Variants in AGBL4 observed in about 807,000 individuals in gnomAD.
AGBL4 encodes AGBL carboxypeptidase 4.
A neutral mutation model predicts 66.4 loss-of-function variants in AGBL4; 58 were observed. That is an observed-to-expected ratio of 0.87 (90% CI 0.71 to 1.09). The LOEUF (loss-of-function observed/expected upper bound fraction) is 1.09. Ranked by LOEUF, AGBL4 falls within the 50% of genes least tolerant of loss-of-function variation. The pLI, the probability that AGBL4 is intolerant of heterozygous loss-of-function variation, is 0.00. For missense variants in AGBL4, 579 were observed against 631.0 expected (o/e 0.92, Z 0.88); for synonymous variants, 234 against 222.9 (o/e 1.05, Z -0.44).
Position 49,874,982 on chromosome 1 carries a change from C to A in AGBL4, c.35-23464G>T, listed in dbSNP as rs373746534. On this transcript the variant is annotated intron_variant, in intron 1 of 13. Transcript: ENST00000371839. ...CAATGCTATCCCTCCCCCCTCCCCC[C>A]ACCCCACAACAGTCCCCAGAGTGTG... 2.5e-4 allele frequency among the ~76,000 whole-genome samples: 26 copies of A among 104,616 alleles called. No homozygotes were observed. In the South Asian group the frequency reaches 9.0e-3, roughly 36 times the overall value. 68.6% of individuals were successfully genotyped at this position (104,616 alleles called of 152,430 possible).
intron 6 of AGBL4, among the ~76,000 whole-genome samples, chr1:48,687,883 C>T (rs1479548072): frequency 1.3e-5 from 2 of 152,222 alleles, no homozygotes; most frequent in Non-Finnish European, 2.9e-5. Context: ...CATCAGCTTG[C>T]AGAGAGCCGT....
intron 5 of AGBL4, among the ~76,000 whole-genome samples, chr1:48,890,839 A>G (rs865876921): frequency 1.3e-5 from 2 of 152,224 alleles, no homozygotes; most frequent in Non-Finnish European, 2.9e-5. Context: ...ATAGTAATGA[A>G]TGAACGCAGA....
intron 11 of AGBL4, among the ~76,000 whole-genome samples, chr1:48,546,941 G>A (rs1314966802): frequency 2.0e-5 from 3 of 150,252 alleles, no homozygotes; most frequent in Middle Eastern, 6.9e-3. Flanking sequence ...AAAATGCACA[G>A]AGTCTGTACC....
intron 8 of AGBL4, among the ~76,000 whole-genome samples, chr1:48,636,029 T>C (rs1465692544): frequency 2.6e-5 from 4 of 152,240 alleles, no homozygotes; most frequent in Admixed American, 6.5e-5. Context: ...ATTTCCCCAC[T>C]GTGGCACATT....
At chr1:49,176,781 T>C (rs1438144606) in intron 4 of AGBL4, among the ~76,000 whole-genome samples, 1 of 152,082 alleles carries the variant, frequency 6.6e-6, no homozygotes, top group Non-Finnish European at 1.5e-5. Context: ...CTGGGTACTA[T>C]CAAAAAAATC....
intron 3 of AGBL4, among the ~76,000 whole-genome samples, chr1:49,248,037 T>A (rs1416843988): frequency 6.6e-6 from 1 of 152,154 alleles, no homozygotes; most frequent in Non-Finnish European, 1.5e-5. Context: ...GTTCAAGTAT[T>A]TTTTATGTTT....
Position 48,967,181 on chromosome 1 carries a change from G to A in AGBL4, c.594+78403C>T, listed in dbSNP as rs117951880. Among the ~76,000 whole-genome samples, 49 of 151,948 alleles carry A rather than the reference G, an allele frequency of 3.2e-4. No homozygotes were observed. The East Asian group carries it at 7.9e-3, about 25-fold the overall frequency. Reference sequence around the variant, plus strand: ...CCACTGTGTTTCCTTATACTTCATGGTCCTTAATTCCCTTGATTGATTTCA... The same window carrying A: ...CCACTGTGTTTCCTTATACTTCATGATCCTTAATTCCCTTGATTGATTTCA... On this transcript the variant is annotated intron_variant, in intron 5 of 13. Transcript: ENST00000371839.
intron 3 of AGBL4, among the ~76,000 whole-genome samples, chr1:49,406,048 C>CT (rs1483048445): frequency 1.1e-4 from 17 of 152,340 alleles, no homozygotes; most frequent in Admixed American, 7.8e-4. Flanking sequence ...CCCAAACAAT[C>CT]TTAACATAGC....
intron 5 of AGBL4, among the ~76,000 whole-genome samples, chr1:49,042,759 C>T (rs930722752): frequency 1.3e-5 from 2 of 152,082 alleles, no homozygotes; most frequent in Non-Finnish European, 1.5e-5. Flanking sequence ...AAGAAATAAA[C>T]GTCTATCATG....
intron 3 of AGBL4, among the ~76,000 whole-genome samples, chr1:49,283,403 A>C (rs1204452416): frequency 6.6e-6 from 1 of 152,240 alleles, no homozygotes; most frequent in African/African-American, 2.4e-5. Flanking sequence ...AAAGTAGATA[A>C]AACTGCAAAG....
chr1:49,207,070 T>G (rs1434394676), intron 4 of AGBL4, among the ~76,000 whole-genome samples: 1 of 152,110 alleles, frequency 6.6e-6, no homozygotes, highest in Non-Finnish European at 1.5e-5. Context: ...CTAGCATAAT[T>G]TCTGCAGGTA....
intron 4 of AGBL4, among the ~76,000 whole-genome samples, chr1:49,163,291 T>A (rs1444443353): frequency 6.6e-6 from 1 of 151,960 alleles, no homozygotes; most frequent in Non-Finnish European, 1.5e-5. Context: ...CTCCTTCTCA[T>A]CAAGCTTATA....
intron 3 of AGBL4, among the ~76,000 whole-genome samples, chr1:49,406,768 A>T (rs369862967): frequency 6.6e-6 from 1 of 152,108 alleles, no homozygotes; most frequent in Non-Finnish European, 1.5e-5. Flanking sequence ...TGATGTGTAT[A>T]TATAAAATAA....
intron 11 of AGBL4, among the ~76,000 whole-genome samples, chr1:48,559,798 C>T (rs1249026924): frequency 1.3e-5 from 2 of 152,128 alleles, no homozygotes; most frequent in African/African-American, 2.4e-5. Flanking sequence ...TGCCCCCTCC[C>T]CTACATTCCT....
At chr1:49,700,092 A>G (rs1387683039) in intron 2 of AGBL4, among the ~76,000 whole-genome samples, 1 of 151,750 alleles carries the variant, frequency 6.6e-6, no homozygotes, top group African/African-American at 2.4e-5. Context: ...TTGCTTATAA[A>G]TGCAAGCTTT....
At chr1:49,948,424 GATAAATAT>G (rs1366927180) in intron 1 of AGBL4, among the ~76,000 whole-genome samples, 7 of 60,228 alleles carry the variant, frequency 1.2e-4, no homozygotes, top group East Asian at 7.0e-4. Flanking sequence ...GATAAATATA[GATAAATAT>G]ATAAATATAT....
chr1:49,710,805 AG>A (rs1166706874), intron 2 of AGBL4, among the ~76,000 whole-genome samples: 1 of 151,908 alleles, frequency 6.6e-6, no homozygotes, highest in African/African-American at 2.4e-5. Context: ...TGAAAAACAA[AG>A]ACACAGACTA....
At chr1:49,762,225 T>C (rs900913575) in intron 2 of AGBL4, among the ~76,000 whole-genome samples, 16 of 152,152 alleles carry the variant, frequency 1.1e-4, no homozygotes, top group Admixed American at 7.2e-4. Context: ...TTTCTCCACA[T>C]CCTCACTAGC....
intron 1 of AGBL4, among the ~76,000 whole-genome samples, chr1:50,002,356 G>GTTTT (rs1373165563): frequency 1.8e-5 from 2 of 110,694 alleles, no homozygotes; most frequent in African/African-American, 3.9e-5. Context: ...ATCTGCCCTA[G>GTTTT]TTCTTTTTTT....
Sources: allele counts gnomAD v4.1 joint callset (sites outside exome capture counted in the v4.1 genomes callset), GRCh38; gene constraint gnomAD v4.1.1; transcripts MANE v1.5; gene names NCBI Gene and HGNC (gene_info 2026-07-23, HGNC 2026-07-21).